The following LDLRAD3 variants were observed in gnomAD, a reference collection of about 807,000 sequenced individuals.
The protein encoded by LDLRAD3 is low-density lipoprotein receptor class A domain-containing protein 3.
In LDLRAD3, 20 loss-of-function variants were observed where a neutral mutation model predicts 29.4. The observed-to-expected ratio is 0.68, with a 90% CI of 0.48 to 0.99. The LOEUF is 0.99. Ranked by LOEUF, LDLRAD3 falls within the 50% of genes least tolerant of loss-of-function variation. The probability of loss-of-function intolerance (pLI) is 0.00; values close to 1 mark genes in which losing one functional copy is unlikely to be tolerated. For synonymous variants in LDLRAD3, 157 were observed against 192.7 expected (o/e 0.81, Z 1.53); for missense variants, 420 against 454.3 (o/e 0.92, Z 0.69).
chr11:36,187,732 G>A (rs1267955729), intron 4 of LDLRAD3, among the ~76,000 whole-genome samples: 1 of 152,142 alleles, frequency 6.6e-6, no homozygotes, highest in Middle Eastern at 3.2e-3. Flanking sequence ...GACAGTGTTG[G>A]TAGGGTGAGA....
Position 36,225,808 on chromosome 11 carries a change from C to T in LDLRAD3, c.455-1277C>T, listed in dbSNP as rs568305300. 2.8e-4 allele frequency among the ~76,000 whole-genome samples: 43 copies of T among 152,214 alleles called. No individual in the cohort carries two copies. In the South Asian group the frequency reaches 5.8e-3, roughly 21 times the overall value. On this transcript the variant is annotated intron_variant, in intron 4 of 5. Transcript: ENST00000315571. ...GTACTTGGCCAGGCACAGTGGCTCACGCCTGTAATCCCAGCACTTTGGGAG... is the reference window on the plus strand; with the variant it reads ...GTACTTGGCCAGGCACAGTGGCTCATGCCTGTAATCCCAGCACTTTGGGAG...
intron 4 of LDLRAD3, among the ~76,000 whole-genome samples, chr11:36,202,380 A>G (rs1309809334): frequency 2.0e-5 from 3 of 152,182 alleles, no homozygotes; most frequent in Admixed American, 1.3e-4. Flanking sequence ...GAATTGGACT[A>G]TAGCAGGAAT....
intron 2 of LDLRAD3, among the ~76,000 whole-genome samples, chr11:36,076,468 C>A (rs943065627): frequency 6.6e-5 from 10 of 152,056 alleles, no homozygotes; most frequent in Non-Finnish European, 5.9e-5. Flanking sequence ...CTCACTGCAA[C>A]CTCCACCTCC....
At chr11:35,998,337 G>A (rs900698379) in intron 1 of LDLRAD3, among the ~76,000 whole-genome samples, 1 of 152,106 alleles carries the variant, frequency 6.6e-6, no homozygotes, top group African/African-American at 2.4e-5. Context: ...GCTTGCAAAC[G>A]CTCCTAGTGG....
At chr11:36,189,749 C>T (rs1020517711) in intron 4 of LDLRAD3, among the ~76,000 whole-genome samples, 5 of 151,968 alleles carry the variant, frequency 3.3e-5, no homozygotes, top group African/African-American at 1.2e-4. Flanking sequence ...CCACAACAGG[C>T]CCCACTGTGT....
chr11:36,108,654 A>T (rs1853566195), intron 4 of LDLRAD3, among the ~76,000 whole-genome samples: 1 of 152,060 alleles, frequency 6.6e-6, no homozygotes, highest in Non-Finnish European at 1.5e-5. Flanking sequence ...GTCAGCGGAG[A>T]AGGATCCTTC....
rs531868257 is a variant in LDLRAD3, at chr11:36,120,586, A to G, written c.454+22125A>G. On this transcript the variant is annotated intron_variant, in intron 4 of 5. Transcript: ENST00000315571. ...AGTGATGAGTATCCACGTTTTACCA[A>G]TGAAGAAAATGAGACCCAGAGGCAT... Among the ~76,000 whole-genome samples the G allele has an allele frequency of 4.6e-5, 7 of 152,292 alleles. No individual in the cohort carries two copies. In the East Asian group the frequency reaches 1.2e-3, roughly 25 times the overall value.
At chr11:36,071,556 A>G (rs923861346) in intron 2 of LDLRAD3, among the ~76,000 whole-genome samples, 2 of 152,256 alleles carry the variant, frequency 1.3e-5, no homozygotes, top group African/African-American at 4.8e-5. Flanking sequence ...GATGATGTGT[A>G]CCAGTAGTTA....
chr11:36,187,044 T>C (rs1158340871), intron 4 of LDLRAD3, among the ~76,000 whole-genome samples: 1 of 152,170 alleles, frequency 6.6e-6, no homozygotes, highest in East Asian at 1.9e-4. Flanking sequence ...AGCAGATGTG[T>C]GTGACCTGCC....
intron 3 of LDLRAD3, among the ~76,000 whole-genome samples, chr11:36,093,387 A>G (rs1853312587): frequency 6.6e-6 from 1 of 152,028 alleles, no homozygotes; most frequent in African/African-American, 2.4e-5. Flanking sequence ...CTCCAGAGGC[A>G]TCCATTGCTC....
intron 2 of LDLRAD3, among the ~76,000 whole-genome samples, chr11:36,042,288 C>CT (rs1480514158): frequency 6.6e-6 from 1 of 152,116 alleles, no homozygotes; most frequent in Non-Finnish European, 1.5e-5. Context: ...TATCCTTTAC[C>CT]TTTTCTAAGC....
chr11:36,186,408 G>T (rs1854849747), intron 4 of LDLRAD3, among the ~76,000 whole-genome samples: 1 of 152,192 alleles, frequency 6.6e-6, no homozygotes, highest in Non-Finnish European at 1.5e-5. Context: ...TGAGTCACAG[G>T]AGCTAACAGC....
In LDLRAD3 at chr11:36,140,855, G is replaced by C. The variant is rs558736278; in HGVS notation, c.454+42394G>C. 4.6e-5 allele frequency among the ~76,000 whole-genome samples: 7 copies of C among 152,320 alleles called. No individual in the cohort carries two copies. The South Asian group carries it at 1.5e-3, about 32-fold the overall frequency. On this transcript the variant is annotated intron_variant, in intron 4 of 5. Transcript: ENST00000315571. ...AGAAAATAATTACCTAGGAGCACGA[G>C]GGGTGAGCAGGCAATGCAATTGAAG...
At chr11:36,065,118 G>A (rs1239931769) in intron 2 of LDLRAD3, among the ~76,000 whole-genome samples, 1 of 152,166 alleles carries the variant, frequency 6.6e-6, no homozygotes, top group Non-Finnish European at 1.5e-5. Flanking sequence ...GAGTACTGAA[G>A]TTTCTAACTA....
At chr11:36,087,499 G>C (rs1229649385) in intron 3 of LDLRAD3, among the ~76,000 whole-genome samples, 1 of 152,146 alleles carries the variant, frequency 6.6e-6, no homozygotes. Context: ...AAACCAGGCT[G>C]TATTTTTGTA....
At chr11:36,180,763 G>A (rs1424165203) in intron 4 of LDLRAD3, among the ~76,000 whole-genome samples, 1 of 152,138 alleles carries the variant, frequency 6.6e-6, no homozygotes, top group Admixed American at 6.5e-5. Flanking sequence ...GTGGGGGTTG[G>A]GGGTGGGGTG....
At chr11:36,068,324 A>C (rs1852831109) in intron 2 of LDLRAD3, among the ~76,000 whole-genome samples, 1 of 152,216 alleles carries the variant, frequency 6.6e-6, no homozygotes, top group South Asian at 2.1e-4. Context: ...GGCATTACTG[A>C]ATCTCTACCA....
At chr11:36,112,385 G>A (rs1406979454) in intron 4 of LDLRAD3, among the ~76,000 whole-genome samples, 1 of 152,206 alleles carries the variant, frequency 6.6e-6, no homozygotes, top group Non-Finnish European at 1.5e-5. Flanking sequence ...GAGAAATGTT[G>A]CATAAGGCCT....
chr11:35,968,119 C>T lies in LDLRAD3; in HGVS notation c.46+23975C>T, dbSNP rs1047100123. On this transcript the variant is annotated intron_variant, in intron 1 of 5. Coordinates refer to ENST00000315571, the MANE Select transcript of LDLRAD3 (RefSeq NM_174902.4). ...TTGGTTTCTCATAGAACACATGTCT[C>T]AGCAGGCAGCCCTTGTTCTTCCTTG... is the stretch of plus-strand genomic sequence containing the variant. 9.0e-6 allele frequency: 4 copies of T among 444,588 alleles called. No homozygotes were observed. The East Asian group carries it at 2.4e-4, about 26-fold the overall frequency. 27.5% of individuals were successfully genotyped at this position (444,588 alleles called of 1,614,324 possible).
Sources: gnomAD v4.1 joint callset for allele counts (sites outside exome capture counted in the v4.1 genomes callset) on GRCh38, gnomAD v4.1.1 for gene constraint, MANE v1.5 for transcripts, NCBI Gene and HGNC (gene_info 2026-07-23, HGNC 2026-07-21) for gene names.